FHOD3: variants seen among roughly 807,000 people sequenced by gnomAD.
The protein encoded by FHOD3 is formin homology 2 domain containing 3, also known as FH1/FH2 domain-containing protein 3.
Under a neutral mutation model 173.0 loss-of-function variants are expected in FHOD3, and 90 were observed. That is an observed-to-expected ratio of 0.52 (90% CI 0.44 to 0.62). The LOEUF is 0.62. FHOD3 is among the 20% of genes least tolerant of loss of function. The pLI is 0.00. For missense variants in FHOD3, 1,945 were observed against 2,034.7 expected (o/e 0.96, Z 0.85); for synonymous variants, 828 against 823.0 (o/e 1.01, Z -0.10).
intron 6 of FHOD3, among the ~76,000 whole-genome samples, chr18:36,594,551 T>C (rs1346682870): frequency 6.6e-6 from 1 of 152,136 alleles, no homozygotes; most frequent in Non-Finnish European, 1.5e-5. Flanking sequence ...TTTTACTGCG[T>C]GACTGCAGGC....
intron 10 of FHOD3, among the ~76,000 whole-genome samples, chr18:36,640,467 T>C (rs2035226981): frequency 6.6e-6 from 1 of 152,212 alleles, no homozygotes; most frequent in Admixed American, 6.5e-5. Flanking sequence ...TGAGTCACTG[T>C]GAGGCCAAGA....
At chr18:36,376,666 A>C (rs1372833648) in intron 3 of FHOD3, among the ~76,000 whole-genome samples, 1 of 152,236 alleles carries the variant, frequency 6.6e-6, no homozygotes, top group African/African-American at 2.4e-5. Flanking sequence ...TTTTAAAGGC[A>C]AGAAAATGAT....
intron 3 of FHOD3, among the ~76,000 whole-genome samples, chr18:36,393,710 G>A (rs2146523417): frequency 6.6e-6 from 1 of 152,296 alleles, no homozygotes; most frequent in East Asian, 1.9e-4. Context: ...ATACAAAGGG[G>A]AGTGAAATGA....
intron 7 of FHOD3, among the ~76,000 whole-genome samples, chr18:36,596,929 TATA>T (rs1281100108): frequency 2.0e-5 from 3 of 152,142 alleles, no homozygotes; most frequent in Non-Finnish European, 4.4e-5. Flanking sequence ...GTCAATTAGG[TATA>T]AGGTCAGCAG....
chr18:36,723,880 A>G (rs1218677905), intron 19 of FHOD3, among the ~76,000 whole-genome samples: 2 of 152,214 alleles, frequency 1.3e-5, no homozygotes, highest in Non-Finnish European at 2.9e-5. Context: ...AATGACTACT[A>G]TTAACTATTT....
chr18:36,307,663 A>C (rs553049584), intron 1 of FHOD3, among the ~76,000 whole-genome samples: 121 of 152,346 alleles, frequency 7.9e-4, no homozygotes, highest in Non-Finnish European at 1.7e-3. Context: ...CTGTCCACTT[A>C]AACTGTGTGT....
At chr18:36,300,250 G>C (rs1339889625) in intron 1 of FHOD3, among the ~76,000 whole-genome samples, 1 of 152,178 alleles carries the variant, frequency 6.6e-6, no homozygotes, top group Admixed American at 6.5e-5. Context: ...TCAGGGCGTC[G>C]GTGCTGTTCT....
chr18:36,461,374 T>A (rs900123229), intron 3 of FHOD3, among the ~76,000 whole-genome samples: 2 of 152,136 alleles, frequency 1.3e-5, no homozygotes, highest in Non-Finnish European at 2.9e-5. Flanking sequence ...TTCTATTAGA[T>A]TGTTACTGGG....
intron 3 of FHOD3, among the ~76,000 whole-genome samples, chr18:36,478,932 A>G (rs2053735125): frequency 6.6e-6 from 1 of 152,172 alleles, no homozygotes; most frequent in Admixed American, 6.5e-5. Flanking sequence ...CCCCTCACCC[A>G]AAGTATAAAT....
chr18:36,685,774 A>C (rs2038570294), intron 15 of FHOD3, among the ~76,000 whole-genome samples: 1 of 152,242 alleles, frequency 6.6e-6, no homozygotes, highest in African/African-American at 2.4e-5. Flanking sequence ...AGGATTCTCC[A>C]AGAAAGTAAA....
chr18:36,478,951 G>C (rs1171983991), intron 3 of FHOD3, among the ~76,000 whole-genome samples: 2 of 152,170 alleles, frequency 1.3e-5, no homozygotes, highest in African/African-American at 4.8e-5. Flanking sequence ...ATATCAAAGA[G>C]AGGATTCTAA....
chr18:36,718,425 A>G lies in FHOD3; in HGVS notation c.3127A>G (p.Ser1043Gly). 1 of 1,334,154 alleles carries G rather than the reference A, an allele frequency of 7.5e-7. No individual in the cohort carries two copies. Among genetic ancestry groups the G allele is most frequent in the South Asian group, 1.2e-5 (1 of 86,882 alleles). The allele number at this position is 1,334,154 out of a possible 1,614,324, so 82.6% of individuals were successfully genotyped here. Residue 1043 changes from serine (S) to glycine (G), a missense_variant, in exon 19 of 29, where the codon AGC becomes GGC. Physicochemically the swap from Ser to Gly is moderately conservative, Grantham distance 56. This residue lies in a region of FHOD3 where 1,099 missense variants were observed against 1,051.2 expected (regional missense o/e 1.05). Coordinates refer to ENST00000590592, the MANE Select transcript of FHOD3 (RefSeq NM_001281740.3). ...CCCACCCCCTCCGCCCCTGTTGGAC[A>G]GCATTCCTCCCCCTCCTGTCCCTGG... The part of the protein sequence containing the change: ...PPPPPPPLLD[S>G]IPPPPVPGNL...
At chr18:36,413,319 T>C (rs2049455071) in intron 3 of FHOD3, among the ~76,000 whole-genome samples, 2 of 152,172 alleles carry the variant, frequency 1.3e-5, no homozygotes, top group Non-Finnish European at 2.9e-5. Flanking sequence ...CTCCAGAACA[T>C]ATACATGGAC....
At chr18:36,604,210 T>C (rs1455926120) in intron 8 of FHOD3, among the ~76,000 whole-genome samples, 1 of 152,188 alleles carries the variant, frequency 6.6e-6, no homozygotes, top group African/African-American at 2.4e-5. Flanking sequence ...TTCCTTGTAC[T>C]CTCCTTACAC....
At chr18:36,426,051 G>A (rs1283704359) in intron 3 of FHOD3, among the ~76,000 whole-genome samples, 1 of 148,218 alleles carries the variant, frequency 6.7e-6, no homozygotes, top group African/African-American at 2.5e-5. Flanking sequence ...ACTACAGGCG[G>A]CCACCACCAT....
chr18:36,433,018 TC>T (rs1231069707), intron 3 of FHOD3, among the ~76,000 whole-genome samples: 1 of 152,204 alleles, frequency 6.6e-6, no homozygotes, highest in Admixed American at 6.5e-5. Context: ...GTGCTCAAAC[TC>T]TGCTCTTGCC....
At chr18:36,690,183 C>T (rs1257342855) in intron 16 of FHOD3, among the ~76,000 whole-genome samples, 5 of 152,100 alleles carry the variant, frequency 3.3e-5, no homozygotes, top group Non-Finnish European at 4.4e-5. Context: ...ATTATTAAAT[C>T]GTGAGTGCCC....
chr18:36,552,486 ATTTCTT>A (rs1427509676), intron 5 of FHOD3, among the ~76,000 whole-genome samples: 4 of 148,388 alleles, frequency 2.7e-5, no homozygotes, highest in African/African-American at 7.5e-5. Context: ...AATACCCTTT[ATTTCTT>A]TTTCTTTTTC....
At chr18:36,482,502 G>A (rs1164978752) in intron 3 of FHOD3, among the ~76,000 whole-genome samples, 1 of 152,140 alleles carries the variant, frequency 6.6e-6, no homozygotes, top group Non-Finnish European at 1.5e-5. Flanking sequence ...TACCAGGGCA[G>A]TAGTAAGAAA....
Sources: gnomAD v4.1 joint callset for allele counts (sites outside exome capture counted in the v4.1 genomes callset) on GRCh38, gnomAD v4.1.1 for gene constraint, gnomAD v4.1.1 regional missense constraint, MANE v1.5 for transcripts, NCBI Gene and HGNC (gene_info 2026-07-23, HGNC 2026-07-21) for gene names.